PHF3: variants seen among roughly 807,000 people sequenced by gnomAD.
PHF3 encodes the protein PHD finger protein 3.
A neutral mutation model predicts 178.4 loss-of-function variants in PHF3; 41 were observed. The ratio of observed to expected loss-of-function variants is 0.23; its 90% CI spans 0.18 to 0.30. The LOEUF (loss-of-function observed/expected upper bound fraction) is 0.30, where lower values mean the gene tolerates loss of function less well. PHF3 is among the 10% of genes least tolerant of loss of function. The pLI, the probability that PHF3 is intolerant of heterozygous loss-of-function variation, is 1.00. For missense variants in PHF3, 2,346 were observed against 2,398.1 expected (o/e 0.98, Z 0.45); for synonymous variants, 842 against 800.5 (o/e 1.05, Z -0.88).
Position 63,685,310 on chromosome 6 carries a change from C to T in PHF3, c.1588C>T (p.Arg530Ter). The change falls in exon 4 of 16, where the codon CGA (arginine) becomes TGA (stop). Residue 530 changes from arginine (R) to a stop codon, truncating the protein, a stop_gained. Coordinates refer to ENST00000262043, the MANE Select transcript of PHF3 (RefSeq NM_001370348.2). LOFTEE classifies it high-confidence loss of function. ...KTKVNVKSVK[R>*]NTDVPESQQN... ...TAAAGTTAATGTCAAAAGTGTGAAA[C>T]GAAATACTGATGTACCAGAATCTCA... The T allele has an allele frequency of 6.2e-7, 1 of 1,613,768 alleles. No homozygotes were observed. Among genetic ancestry groups the T allele is most frequent in the Non-Finnish European group, 8.5e-7 (1 of 1,179,898 alleles).
chr6:63,678,231 A>G (rs541211756), intron 2 of PHF3, among the ~76,000 whole-genome samples: 4 of 150,894 alleles, frequency 2.7e-5, no homozygotes, highest in African/African-American at 7.3e-5. Context: ...AAAAAAAAAA[A>G]GAAAAAAAAA....
At chr6:63,705,040 T>A (rs1767631867) in intron 11 of PHF3, among the ~76,000 whole-genome samples, 1 of 152,226 alleles carries the variant, frequency 6.6e-6, no homozygotes, top group African/African-American at 2.4e-5. Context: ...TGGAGCATCT[T>A]TTCATGCTTA....
At chr6:63,666,331 A>G (rs747274931) in intron 2 of PHF3, among the ~76,000 whole-genome samples, 1 of 152,134 alleles carries the variant, frequency 6.6e-6, no homozygotes, top group Non-Finnish European at 1.5e-5. Flanking sequence ...TACTCTGGGT[A>G]CTGACATTAT....
chr6:63,684,221 T>A lies in PHF3; in HGVS notation c.499T>A (p.Ser167Thr), dbSNP rs1441304665. 1 of 1,614,006 alleles carries A rather than the reference T, an allele frequency of 6.2e-7. No individual in the cohort carries two copies. The highest frequency in any genetic ancestry group is 8.5e-7 in the Non-Finnish European group (1 of 1,179,902). The change falls in exon 4 of 16, where the codon TCT becomes ACT. Residue 167 changes from serine to threonine, a missense_variant. Ser to Thr is a moderately conservative substitution (Grantham distance 58, BLOSUM62 1). This residue lies in a region of PHF3 where 843 missense variants were observed against 795.2 expected (regional missense o/e 1.06). Transcript: ENST00000262043. Reference sequence around the variant, plus strand: ...AAAAAAAGCATCTGGGAAGACTGTATCTACTGCTAAAGCAGGAGTGAAACA... The same window carrying A: ...AAAAAAAGCATCTGGGAAGACTGTAACTACTGCTAAAGCAGGAGTGAAACA... ...NTKKASGKTV[S>T]TAKAGVKQPE...
At chr6:63,669,715 A>T (rs935051892) in intron 2 of PHF3, among the ~76,000 whole-genome samples, 2 of 152,170 alleles carry the variant, frequency 1.3e-5, no homozygotes, top group African/African-American at 4.8e-5. Context: ...AATGAACTTG[A>T]TGTAAGGGAT....
Position 63,635,923 on chromosome 6 carries a change from C to A in PHF3, c.-253C>A, listed in dbSNP as rs1051172389. ...CAAGCGACCTTCGGGCTCAGGGCGG[C>A]GGCGGCTGCAACGAGGATTAGGAGG... is the stretch of plus-strand genomic sequence containing the variant. On this transcript the variant is annotated 5_prime_UTR_variant, in exon 1 of 16. Coordinates refer to ENST00000262043, the MANE Select transcript of PHF3 (RefSeq NM_001370348.2). 7.5e-6 allele frequency: 3 copies of A among 397,832 alleles called. No homozygotes were observed. The highest frequency in any genetic ancestry group is 1.3e-5 in the Non-Finnish European group (3 of 225,650). 24.6% of individuals were successfully genotyped at this position (397,832 alleles called of 1,614,324 possible).
Position 63,720,325 on chromosome 6 carries a change from A to G in PHF3, c.*6617A>G, listed in dbSNP as rs1768323383. On this transcript the variant is annotated 3_prime_UTR_variant, in exon 16 of 16. Transcript: ENST00000262043. ...AGCATTAGGGATAGGTAAAAAGTGA[A>G]TAAGCAAAGTGAATAAGCACATTCT... is the stretch of plus-strand genomic sequence containing the variant. The G allele has an allele frequency of 5.0e-6, 2 of 403,314 alleles. No homozygotes were observed. Among genetic ancestry groups the G allele is most frequent in the African/African-American group, 2.1e-5 (1 of 48,412 alleles). 25.0% of individuals were successfully genotyped at this position (403,314 alleles called of 1,614,324 possible).
At chr6:63,706,466 C>T (rs946365239) in intron 12 of PHF3, among the ~76,000 whole-genome samples, 3 of 152,060 alleles carry the variant, frequency 2.0e-5, no homozygotes, top group Admixed American at 6.6e-5. Context: ...ATGCTGGTCC[C>T]AAAAGTCAGG....
intron 2 of PHF3, among the ~76,000 whole-genome samples, chr6:63,670,262 G>GT (rs1274741174): frequency 2.6e-5 from 4 of 151,746 alleles, no homozygotes; most frequent in Admixed American, 1.3e-4. Context: ...GGTGTTTTTT[G>GT]TTTTTTTGTT....
Position 63,692,049 on chromosome 6 carries a change from CTCT to C in PHF3, c.2496+9_2496+11del. 1 of 1,591,078 alleles carries C rather than the reference CTCT, an allele frequency of 6.3e-7. No homozygotes were observed. The highest frequency in any genetic ancestry group is 8.6e-7 in the Non-Finnish European group (1 of 1,167,424). ...AGGTCAAAATTTTAAAACGGGTGAG[CTCT>C]TCATTAATGCATTATTTTGTTTATT... is the stretch of plus-strand genomic sequence containing the variant. On this transcript the variant is annotated splice_region_variant and intron_variant, in intron 5 of 15. Coordinates refer to ENST00000262043, the MANE Select transcript of PHF3 (RefSeq NM_001370348.2).
At chr6:63,670,769 A>G (rs1765881479) in intron 2 of PHF3, among the ~76,000 whole-genome samples, 1 of 152,246 alleles carries the variant, frequency 6.6e-6, no homozygotes, top group African/African-American at 2.4e-5. Context: ...TTCTAGCACT[A>G]GTGATACATC....
At chr6:63,655,657 A>G (rs139776787) in intron 2 of PHF3, among the ~76,000 whole-genome samples, 2 of 152,224 alleles carry the variant, frequency 1.3e-5, no homozygotes, top group Admixed American at 6.5e-5. Flanking sequence ...TAGCTTCTTT[A>G]AATTATATGC....
At chr6:63,679,618 T>G (rs966601297) in intron 2 of PHF3, 4 of 321,356 alleles carry the variant, frequency 1.2e-5, no homozygotes, top group African/African-American at 8.6e-5. Context: ...AGCATGAACC[T>G]AGAATCTTTC....
Position 63,721,877 on chromosome 6 carries a change from G to A in PHF3, c.*8169G>A. On this transcript the variant is annotated 3_prime_UTR_variant, in exon 16 of 16. Coordinates refer to ENST00000262043, the MANE Select transcript of PHF3 (RefSeq NM_001370348.2). ...AACTTTTGCTGTTTCTGGCCAAGTT[G>A]GATAAGTTTTAGTTATGGGGAAAAA... 3 of 1,348,212 alleles carry A rather than the reference G, an allele frequency of 2.2e-6. No homozygotes were observed. The highest frequency in any genetic ancestry group is 3.0e-6 in the Non-Finnish European group (3 of 1,004,774). 83.5% of individuals were successfully genotyped at this position (1,348,212 alleles called of 1,614,324 possible). A position where few individuals can be genotyped will look rare whatever the true frequency, so the allele number is the denominator to read the frequency against.
chr6:63,694,861 C>T, intron 6 of PHF3, 97 bp downstream of exon 6: 1 of 696,524 alleles, frequency 1.4e-6, no homozygotes, highest in Non-Finnish European at 2.0e-6. Flanking sequence ...ACAAATTTAA[C>T]ATTATTAAAT....
At chr6:63,690,800 T>C (rs1243912883) in intron 4 of PHF3, among the ~76,000 whole-genome samples, 2 of 152,172 alleles carry the variant, frequency 1.3e-5, no homozygotes, top group African/African-American at 4.8e-5. Context: ...GTAAATTAAA[T>C]TGCTGTGTAT....
rs752573259 is a variant in PHF3 at position 63,711,310 on chromosome 6, T to C, written c.3945T>C (p.Pro1315=). 1.7e-5 allele frequency: 27 copies of C among 1,613,204 alleles called. No individual in the cohort carries two copies. The highest frequency in any genetic ancestry group is 2.0e-5 in the Non-Finnish European group (24 of 1,179,620). The change falls in exon 15 of 16, where the codon CCT becomes CCC. Residue 1315 remains proline, a synonymous_variant. Transcript: ENST00000262043. ...AGGTTAAAGATATGTACCTTATTCC[T>C]TTGGGTGCCACAGATAAAATTCCAC... ...MKQVKDMYLI[P]LGATDKIPHP... is the part of the protein sequence containing the mutation.
At position 63,685,789 on chromosome 6, in the gene PHF3, C is replaced by T; in HGVS notation, c.2067C>T (p.Phe689=). The change falls in exon 4 of 16, where the codon TTC becomes TTT. Residue 689 remains phenylalanine (F), a synonymous_variant. Coordinates refer to ENST00000262043, the MANE Select transcript of PHF3 (RefSeq NM_001370348.2). ...TTTCTTTAGATGAGCCACCATTGTT[C>T]ATTCCAGATAACATAGCTACCATAA... is the stretch of plus-strand genomic sequence containing the variant. ...KSFSLDEPPL[F]IPDNIATIRR... 2 of 1,613,978 alleles carry T rather than the reference C, an allele frequency of 1.2e-6. No homozygotes were observed. The highest frequency in any genetic ancestry group is 8.5e-7 in the Non-Finnish European group (1 of 1,180,008).
Position 63,718,426 on chromosome 6 carries a change from A to G in PHF3, c.*4718A>G, listed in dbSNP as rs555361500. Among the ~76,000 whole-genome samples, 5 of 152,056 alleles carry G rather than the reference A, an allele frequency of 3.3e-5. No homozygotes were observed. The highest frequency in any genetic ancestry group is 7.4e-5 in the Non-Finnish European group (5 of 67,942). ...ATTATTTAGCATACTAGAAAATCAA[A>G]TGATAAACGTTAAAAATATTTGTTA... On this transcript the variant is annotated 3_prime_UTR_variant, in exon 16 of 16. Transcript: ENST00000262043.
Sources: gnomAD v4.1 joint callset for allele counts (sites outside exome capture counted in the v4.1 genomes callset) on GRCh38, gnomAD v4.1.1 for gene constraint, gnomAD v4.1.1 regional missense constraint, MANE v1.5 for transcripts, NCBI Gene and HGNC (gene_info 2026-07-23, HGNC 2026-07-21) for gene names.